ZBTB20: variants seen among roughly 807,000 people sequenced by gnomAD.
ZBTB20 encodes zinc finger and BTB domain containing 20, also known as zinc finger and BTB domain-containing protein 20.
ZBTB20 carries 9 observed loss-of-function variants against 56.9 expected under a neutral mutation model. The observed-to-expected ratio is 0.16, with a 90% CI of 0.10 to 0.28. ZBTB20 has a LOEUF of 0.28. Ranked by LOEUF, ZBTB20 falls within the 10% of genes least tolerant of loss-of-function variation. The pLI, the probability that ZBTB20 is intolerant of heterozygous loss-of-function variation, is 1.00. For missense variants in ZBTB20, 655 were observed against 1,003.0 expected, an observed-to-expected ratio of 0.65 and a Z score of 4.69; for synonymous variants, 417 against 420.7, an observed-to-expected ratio of 0.99 and a Z score of 0.11.
Position 114,906,558 on chromosome 3 carries a change from TATATA to T in ZBTB20, c.-455-6221_-455-6217del, listed in dbSNP as rs534739557. Among the ~76,000 whole-genome samples the T allele has an allele frequency of 4.2e-3, 634 of 151,100 alleles. 2 individuals are homozygous for T. Among genetic ancestry groups the T allele is most frequent in the African/African-American group, 0.015 (606 of 41,428 alleles). ...ATCATATTTAAAATGAGGGGGATTTTATATAATATAAAATTTTTATATTATATAAA... is the reference window on the plus strand; with the variant it reads ...ATCATATTTAAAATGAGGGGGATTTTATATAAAATTTTTATATTATATAAA... On this transcript the variant is annotated intron_variant, in intron 3 of 11. Coordinates refer to ENST00000675478, the MANE Select transcript of ZBTB20 (RefSeq NM_001348800.3).
chr3:114,397,650 C>T (rs2086450673), intron 7 of ZBTB20, among the ~76,000 whole-genome samples: 1 of 151,600 alleles, frequency 6.6e-6, no homozygotes, highest in Admixed American at 6.6e-5. Context: ...AAGTGTGTTT[C>T]ATACTGGAAC....
At chr3:114,640,099 T>A (rs1278909647) in intron 6 of ZBTB20, among the ~76,000 whole-genome samples, 1 of 151,956 alleles carries the variant, frequency 6.6e-6, no homozygotes, top group Non-Finnish European at 1.5e-5. Context: ...GCCAAATGGG[T>A]TTTCCCATTT....
At chr3:114,415,999 A>AT (rs914697256) in intron 7 of ZBTB20, among the ~76,000 whole-genome samples, 1 of 151,400 alleles carries the variant, frequency 6.6e-6, no homozygotes, top group Admixed American at 6.7e-5. Flanking sequence ...AATTACAGAT[A>AT]TTTTTTTCCT....
intron 4 of ZBTB20, among the ~76,000 whole-genome samples, chr3:114,838,546 C>T (rs1216830313): frequency 6.6e-6 from 1 of 151,294 alleles, no homozygotes; most frequent in African/African-American, 2.4e-5. Context: ...CATGGTGTGA[C>T]TGGGGGGGGA....
intron 4 of ZBTB20, among the ~76,000 whole-genome samples, chr3:114,858,964 G>T (rs1346917820): frequency 6.6e-6 from 1 of 151,998 alleles, no homozygotes; most frequent in Non-Finnish European, 1.5e-5. Flanking sequence ...GAATTACATT[G>T]TATGGCTGGT....
intron 1 of ZBTB20, among the ~76,000 whole-genome samples, chr3:115,082,541 C>G (rs962252736): frequency 2.0e-5 from 3 of 152,122 alleles, no homozygotes; most frequent in African/African-American, 4.8e-5. Context: ...TATCAGAAAC[C>G]AGTAAACATA....
At chr3:115,096,029 T>C (rs2083368871) in intron 1 of ZBTB20, among the ~76,000 whole-genome samples, 1 of 152,192 alleles carries the variant, frequency 6.6e-6, no homozygotes, top group Non-Finnish European at 1.5e-5. Context: ...CCTACACACC[T>C]ATACATGACT....
At chr3:114,959,556 A>T (rs1181853242) in intron 3 of ZBTB20, among the ~76,000 whole-genome samples, 1 of 152,170 alleles carries the variant, frequency 6.6e-6, no homozygotes, top group East Asian at 1.9e-4. Context: ...AGGGACACCA[A>T]CACCAAATGC....
chr3:114,574,393 A>G (rs2053779234), intron 6 of ZBTB20, among the ~76,000 whole-genome samples: 1 of 152,216 alleles, frequency 6.6e-6, no homozygotes, highest in African/African-American at 2.4e-5. Context: ...GTGTCAATAT[A>G]TAGATATCCA....
At chr3:114,458,498 G>C (rs999632122) in intron 7 of ZBTB20, among the ~76,000 whole-genome samples, 1 of 152,134 alleles carries the variant, frequency 6.6e-6, no homozygotes, top group Non-Finnish European at 1.5e-5. Context: ...CTTGGTGACA[G>C]AATTCCAATC....
intron 5 of ZBTB20, among the ~76,000 whole-genome samples, chr3:114,799,495 A>G (rs2071565643): frequency 6.6e-6 from 1 of 151,902 alleles, no homozygotes; most frequent in East Asian, 1.9e-4. Flanking sequence ...ACTGTATTCA[A>G]CCTGTGTTTA....
intron 7 of ZBTB20, among the ~76,000 whole-genome samples, chr3:114,465,239 T>C (rs779656763): frequency 1.3e-5 from 2 of 152,186 alleles, no homozygotes; most frequent in Non-Finnish European, 2.9e-5. Flanking sequence ...GCTTGGTGCA[T>C]ATTAATTCGT....
At chr3:114,896,285 G>A (rs926247568) in intron 4 of ZBTB20, among the ~76,000 whole-genome samples, 15 of 152,122 alleles carry the variant, frequency 9.9e-5, no homozygotes, top group African/African-American at 3.4e-4. Context: ...TTCTCAGAGA[G>A]ATAGTTGTAC....
chr3:114,770,143 G>A (rs1428350905), intron 5 of ZBTB20, among the ~76,000 whole-genome samples: 1 of 151,826 alleles, frequency 6.6e-6, no homozygotes, highest in Non-Finnish European at 1.5e-5. Flanking sequence ...TGCAAATATG[G>A]TGCAGTGTAT....
chr3:114,855,235 C>A (rs79059346), intron 4 of ZBTB20, among the ~76,000 whole-genome samples: 3,646 of 152,180 alleles, frequency 0.024, 52 homozygotes, highest in South Asian at 0.051. Context: ...CATTTGTGAA[C>A]CTTTCGTAAT....
At chr3:115,146,727 G>A (rs988984423) in intron 1 of ZBTB20, among the ~76,000 whole-genome samples, 1 of 152,198 alleles carries the variant, frequency 6.6e-6, no homozygotes, top group Non-Finnish European at 1.5e-5. Context: ...AAGCGGGGGA[G>A]GGCGAGGAGG....
chr3:114,381,934 T>A (rs1362802209), intron 8 of ZBTB20, among the ~76,000 whole-genome samples: 2 of 152,240 alleles, frequency 1.3e-5, no homozygotes, highest in African/African-American at 2.4e-5. Flanking sequence ...GATTTTTGAA[T>A]GGTGACTATG....
intron 2 of ZBTB20, among the ~76,000 whole-genome samples, chr3:115,043,194 T>G (rs1228317134): frequency 6.6e-6 from 1 of 152,194 alleles, no homozygotes; most frequent in Non-Finnish European, 1.5e-5. Flanking sequence ...TCAGAATTAA[T>G]GAGCCTATTT....
chr3:114,899,843 C>T (rs2075036982), intron 4 of ZBTB20, among the ~76,000 whole-genome samples: 2 of 151,936 alleles, frequency 1.3e-5, no homozygotes, highest in South Asian at 4.2e-4. Context: ...TTTTTTTTTC[C>T]CATTCGTCTA....
Sources: gnomAD v4.1 joint callset for allele counts (sites outside exome capture counted in the v4.1 genomes callset) on GRCh38, gnomAD v4.1.1 for gene constraint, MANE v1.5 for transcripts, NCBI Gene and HGNC (gene_info 2026-07-23, HGNC 2026-07-21) for gene names.